ANKRD11: variants seen among roughly 807,000 people sequenced by gnomAD.
ANKRD11 encodes the protein ankyrin repeat domain 11.
Under a neutral mutation model 195.7 loss-of-function variants are expected in ANKRD11, and 17 were observed. The ratio of observed to expected loss-of-function variants is 0.09; its 90% CI spans 0.06 to 0.13. The LOEUF (loss-of-function observed/expected upper bound fraction) is 0.13. ANKRD11 is among the 10% of genes least tolerant of loss of function. The pLI is 1.00. For missense variants in ANKRD11, 3,735 were observed against 3,566.1 expected (o/e 1.05, Z -1.21); for synonymous variants, 1,953 against 1,528.1 (o/e 1.28, Z -6.49).
intron 1 of ANKRD11, among the ~76,000 whole-genome samples, chr16:89,474,045 A>G (rs1426016183): frequency 2.0e-5 from 3 of 152,230 alleles, no homozygotes; most frequent in South Asian, 2.1e-4. Context: ...GGGGCCTCTA[A>G]GAGTCAAGAG....
intron 1 of ANKRD11, among the ~76,000 whole-genome samples, chr16:89,456,883 T>C (rs557912246): frequency 1.1e-4 from 16 of 152,124 alleles, no homozygotes; most frequent in Non-Finnish European, 2.2e-4. Flanking sequence ...TTGCACAAAG[T>C]TGTAAATGTG....
At chr16:89,408,758 C>T (rs2042006026) in intron 2 of ANKRD11, among the ~76,000 whole-genome samples, 1 of 152,182 alleles carries the variant, frequency 6.6e-6, no homozygotes, top group Admixed American at 6.5e-5. Context: ...GCCGTGGAAT[C>T]CTGAATTCAA....
At chr16:89,485,862 GAC>G (rs2057595140) in intron 1 of ANKRD11, among the ~76,000 whole-genome samples, 1 of 152,152 alleles carries the variant, frequency 6.6e-6, no homozygotes, top group Non-Finnish European at 1.5e-5. Context: ...GGACAAACGA[GAC>G]ACTTAATCCT....
chr16:89,438,569 G>A (rs914744594), intron 1 of ANKRD11, among the ~76,000 whole-genome samples: 2 of 151,996 alleles, frequency 1.3e-5, no homozygotes, highest in Non-Finnish European at 2.9e-5. Context: ...ATGACTTCAG[G>A]TGATCCACCC....
In ANKRD11 at chr16:89,453,876, G is replaced by A. The variant is rs571265777; in HGVS notation, c.-144-35508C>T. 9.9e-5 allele frequency among the ~76,000 whole-genome samples: 15 copies of A among 152,222 alleles called. No homozygotes were observed. In the East Asian group the frequency reaches 1.5e-3, roughly 16 times the overall value. ...AGCCTGCCCAGGGTCCAGTGCTGGC[G>A]TCCACTCCCAACTTCTAACTTCCCT... On this transcript the variant is annotated intron_variant, in intron 1 of 12. Coordinates refer to ENST00000301030, the MANE Select transcript of ANKRD11 (RefSeq NM_013275.6).
chr16:89,398,070 G>T (rs114577502), intron 2 of ANKRD11, among the ~76,000 whole-genome samples: 1 of 150,388 alleles, frequency 6.6e-6, no homozygotes, highest in Non-Finnish European at 1.5e-5. Context: ...ATCTGGTGAC[G>T]CTGTGAAACA....
chr16:89,335,767 G>A (rs1161487200), intron 2 of ANKRD11, among the ~76,000 whole-genome samples: 2 of 152,222 alleles, frequency 1.3e-5, no homozygotes, highest in Admixed American at 1.3e-4. Context: ...GTGTGTGACA[G>A]TGAGAGGCCC....
At chr16:89,288,742 C>A in intron 6 of ANKRD11, 72 bp from the exon 7 acceptor site, 1 of 1,609,192 alleles carries the variant, frequency 6.2e-7, no homozygotes, top group Non-Finnish European at 8.5e-7. Flanking sequence ...AGGCAGCGCC[C>A]TGAGGATGTG....
In ANKRD11 at chr16:89,378,115, C is replaced by T. The variant is rs892760263; in HGVS notation, c.-60+40169G>A. Among the ~76,000 whole-genome samples the T allele has an allele frequency of 3.9e-5, 6 of 152,130 alleles. No individual in the cohort carries two copies. In the East Asian group the frequency reaches 9.6e-4, roughly 24 times the overall value. ...TTATAATCCCAGTGCACTGGGAGGC[C>T]GAGGCGGAAGGATCACTTGAGCCCA... On this transcript the variant is annotated intron_variant, in intron 2 of 12. Transcript: ENST00000301030.
intron 2 of ANKRD11, among the ~76,000 whole-genome samples, chr16:89,374,840 G>A (rs1182910080): frequency 6.6e-6 from 1 of 152,070 alleles, no homozygotes; most frequent in Non-Finnish European, 1.5e-5. Context: ...GTCACCCATC[G>A]ATTTGTTTTC....
At chr16:89,333,852 G>T (rs1351509297) in intron 2 of ANKRD11, among the ~76,000 whole-genome samples, 2 of 152,214 alleles carry the variant, frequency 1.3e-5, no homozygotes, top group African/African-American at 4.8e-5. Flanking sequence ...AGAAAGGGAC[G>T]GTATTATTCT....
At chr16:89,329,005 G>C (rs988043154) in intron 2 of ANKRD11, 1 of 150,554 alleles carries the variant, frequency 6.6e-6, no homozygotes, top group Non-Finnish European at 1.5e-5. Context: ...CCAGGCGCAC[G>C]GGCGAATCTG....
chr16:89,280,714 A>T lies in ANKRD11; in HGVS notation c.5828T>A (p.Ile1943Asn). 6.2e-7 allele frequency: 1 copy of T among 1,613,238 alleles called. No homozygotes were observed. Residue 1943 changes from isoleucine (I) to asparagine (N), a missense_variant, in exon 9 of 13, where the codon ATC (isoleucine) becomes AAC (asparagine). Ile to Asn is a moderately radical substitution (Grantham distance 149). Coordinates refer to ENST00000301030, the MANE Select transcript of ANKRD11 (RefSeq NM_013275.6). ...GGCCCACTCAACGGGCTCCTCGGTG[A>T]TGACGGCGCTGAAGGGACCCTCGTC... ...PLDEGPFSAV[I>N]TEEPVEWAHP... is the part of the protein sequence containing the mutation.
intron 12 of ANKRD11, 35 bp from the exon 13 acceptor site, chr16:89,268,698 G>C: frequency 6.4e-7 from 1 of 1,558,644 alleles, no homozygotes; most frequent in South Asian, 1.2e-5. Context: ...GAGGGAGGAG[G>C]AGTGAAGGGA....
chr16:89,438,908 C>A (rs2043328656), intron 1 of ANKRD11, among the ~76,000 whole-genome samples: 1 of 151,982 alleles, frequency 6.6e-6, no homozygotes, highest in African/African-American at 2.4e-5. Context: ...GCTGGAGAGG[C>A]TGAGATGGGA....
intron 1 of ANKRD11, among the ~76,000 whole-genome samples, chr16:89,438,383 G>A (rs1254025926): frequency 1.3e-5 from 2 of 151,692 alleles, no homozygotes; most frequent in Admixed American, 6.6e-5. Flanking sequence ...GCAGTGGTGC[G>A]ATCTCAGCTC....
chr16:89,297,667 C>G (rs191868049), intron 4 of ANKRD11: 1 of 152,352 alleles, frequency 6.6e-6, no homozygotes, highest in African/African-American at 2.4e-5. Flanking sequence ...CTCCTTGGGG[C>G]AGCAAGACAA....
intron 2 of ANKRD11, among the ~76,000 whole-genome samples, chr16:89,362,391 A>G (rs1287550665): frequency 6.6e-6 from 1 of 152,182 alleles, no homozygotes; most frequent in Admixed American, 6.5e-5. Flanking sequence ...AGCTGGAGAG[A>G]GTGCACGAAA....
At chr16:89,278,694 G>A (rs2033880448) in intron 9 of ANKRD11, 1 of 485,726 alleles carries the variant, frequency 2.1e-6, no homozygotes, top group Non-Finnish European at 4.1e-6. Context: ...AAGGGGGCGG[G>A]GCAGGGGCAG....
Sources: allele counts gnomAD v4.1 joint callset (sites outside exome capture counted in the v4.1 genomes callset), GRCh38; gene constraint gnomAD v4.1.1; transcripts MANE v1.5; gene names NCBI Gene and HGNC (gene_info 2026-07-23, HGNC 2026-07-21).